The following ARSB variants were observed in gnomAD, a reference collection of about 807,000 sequenced individuals.
ARSB encodes arylsulfatase B, also known as N-acetylgalactosamine-4-sulfatase.
Under a neutral mutation model 50.9 loss-of-function variants are expected in ARSB, and 41 were observed. The observed-to-expected ratio is 0.81, with a 90% confidence interval of 0.63 to 1.04. The LOEUF is 1.04. ARSB is among the 50% of genes least tolerant of loss of function. The pLI, the probability that ARSB is intolerant of heterozygous loss-of-function variation, is 0.00. For synonymous variants in ARSB, 269 were observed against 284.8 expected (o/e 0.94, Z 0.56); for missense variants, 672 against 693.3 (o/e 0.97, Z 0.35).
At chr5:78,973,854 C>T (rs32962) in intron 1 of ARSB, among the ~76,000 whole-genome samples, 6 of 152,266 alleles carry the variant, frequency 3.9e-5, no homozygotes, top group African/African-American at 1.4e-4. Flanking sequence ...CTGGTCTGAG[C>T]AAAATGAACT....
chr5:78,966,136 CA>C (rs1275745466), intron 2 of ARSB, among the ~76,000 whole-genome samples: 1 of 152,146 alleles, frequency 6.6e-6, no homozygotes, highest in Non-Finnish European at 1.5e-5. Flanking sequence ...TATCAGTTAG[CA>C]GAATATAGGA....
chr5:78,877,225 T>C (rs1270193784), intron 5 of ARSB, among the ~76,000 whole-genome samples: 1 of 152,124 alleles, frequency 6.6e-6, no homozygotes, highest in African/African-American at 2.4e-5. Flanking sequence ...GTGAGAAGGT[T>C]TGACTAGAGA....
intron 6 of ARSB, chr5:78,817,156 A>G: frequency 1.0e-6 from 1 of 977,352 alleles, no homozygotes; most frequent in Non-Finnish European, 1.2e-6. Flanking sequence ...AAGAATGATC[A>G]TTAGTAGGCA....
chr5:78,936,009 GTCTT>G (rs1280739699), intron 4 of ARSB, among the ~76,000 whole-genome samples: 7 of 88,058 alleles, frequency 7.9e-5, no homozygotes, highest in African/African-American at 2.6e-4. Flanking sequence ...TTTTCTTTCT[GTCTT>G]TCTCTCTGTC....
intron 3 of ARSB, among the ~76,000 whole-genome samples, chr5:78,957,460 A>G (rs1161575975): frequency 6.6e-6 from 1 of 152,210 alleles, no homozygotes; most frequent in Non-Finnish European, 1.5e-5. Flanking sequence ...CTAAACTCAC[A>G]AAGTTAAAAA....
At chr5:78,914,460 G>T (rs1178302289) in intron 4 of ARSB, among the ~76,000 whole-genome samples, 1 of 152,056 alleles carries the variant, frequency 6.6e-6, no homozygotes, top group African/African-American at 2.4e-5. Context: ...AGAAAGAAAT[G>T]AACTAGGAAG....
intron 6 of ARSB, among the ~76,000 whole-genome samples, chr5:78,802,932 T>C (rs1743446790): frequency 1.3e-5 from 2 of 152,200 alleles, no homozygotes; most frequent in African/African-American, 2.4e-5. Context: ...AGGGGTGCCT[T>C]GTGAAGGTCT....
At chr5:78,887,107 T>C (rs909273237) in intron 4 of ARSB, among the ~76,000 whole-genome samples, 1 of 152,214 alleles carries the variant, frequency 6.6e-6, no homozygotes, top group Non-Finnish European at 1.5e-5. Context: ...TTAGTCCATT[T>C]TGTGTTGCTA....
chr5:78,865,712 C>T (rs1746685534), intron 5 of ARSB, among the ~76,000 whole-genome samples: 5 of 152,130 alleles, frequency 3.3e-5, no homozygotes. Flanking sequence ...TTAACAGAAC[C>T]CAAATAACCT....
chr5:78,939,439 G>A (rs554956708), intron 4 of ARSB, among the ~76,000 whole-genome samples: 7 of 151,230 alleles, frequency 4.6e-5, no homozygotes, highest in South Asian at 2.1e-4. Flanking sequence ...CCCTTCCCCC[G>A]ACCCCACAAC....
chr5:78,810,007 G>A (rs1743746790), intron 6 of ARSB, among the ~76,000 whole-genome samples: 1 of 152,176 alleles, frequency 6.6e-6, no homozygotes, highest in East Asian at 1.9e-4. Context: ...CACCCCACTA[G>A]ACCCCTTGAT....
chr5:78,780,758 T>C (rs1748903501), intron 7 of ARSB, 96 bp from the exon 8 acceptor site: 3 of 1,464,518 alleles, frequency 2.0e-6, no homozygotes, highest in Non-Finnish European at 2.8e-6. Context: ...CACTGGGTTG[T>C]GGGTGTGGAA....
intron 1 of ARSB, among the ~76,000 whole-genome samples, chr5:78,971,144 A>C (rs1752437558): frequency 6.6e-6 from 1 of 152,232 alleles, no homozygotes; most frequent in African/African-American, 2.4e-5. Flanking sequence ...AGGCCCGCCC[A>C]GAACCCAGTT....
At chr5:78,977,159 A>G (rs638073) in intron 1 of ARSB, among the ~76,000 whole-genome samples, 13 of 150,372 alleles carry the variant, frequency 8.6e-5, no homozygotes, top group Non-Finnish European at 4.4e-5. Context: ...TTCTTTCCCC[A>G]CTTCCCCCCC....
In ARSB at chr5:78,820,994, T is replaced by G. The variant is rs903391767; in HGVS notation, c.1213+18362A>C. Among the ~76,000 whole-genome samples, 10 of 142,646 alleles carry G rather than the reference T, an allele frequency of 7.0e-5. No homozygotes were observed. The East Asian group carries it at 2.0e-3, about 29-fold the overall frequency. The allele number at this position is 142,646 out of a possible 152,430, so 93.6% of individuals were successfully genotyped here. ...TATTATCTATGTAAAAAAAAAAAAG[T>G]ATTGTACACACCACTGCTCCATAAA... On this transcript the variant is annotated intron_variant, in intron 6 of 7. Coordinates refer to ENST00000264914, the MANE Select transcript of ARSB (RefSeq NM_000046.5).
At chr5:78,979,697 T>C (rs1752815400) in intron 1 of ARSB, among the ~76,000 whole-genome samples, 1 of 152,202 alleles carries the variant, frequency 6.6e-6, no homozygotes, top group Non-Finnish European at 1.5e-5. Context: ...CTTCAAACCA[T>C]CTGCGAGCCT....
At chr5:78,861,568 C>A (rs1746439189) in intron 5 of ARSB, among the ~76,000 whole-genome samples, 5 of 152,182 alleles carry the variant, frequency 3.3e-5, no homozygotes, top group Admixed American at 3.3e-4. Context: ...AACAATGCTT[C>A]ATGCTAAAAA....
intron 4 of ARSB, among the ~76,000 whole-genome samples, chr5:78,931,849 G>A (rs1242555808): frequency 1.3e-5 from 2 of 152,050 alleles, no homozygotes; most frequent in Non-Finnish European, 2.9e-5. Context: ...CTCCCATGCT[G>A]TTCACATGAT....
At chr5:78,948,906 A>T (rs770519186) in intron 4 of ARSB, among the ~76,000 whole-genome samples, 6 of 152,152 alleles carry the variant, frequency 3.9e-5, no homozygotes, top group Non-Finnish European at 5.9e-5. Context: ...TTAAAAATGG[A>T]GATTTTTGGG....
Sources: allele counts gnomAD v4.1 joint callset (sites outside exome capture counted in the v4.1 genomes callset), GRCh38; gene constraint gnomAD v4.1.1; transcripts MANE v1.5; gene names NCBI Gene and HGNC (gene_info 2026-07-23, HGNC 2026-07-21).